Variants in RAD54B observed in about 807,000 individuals in gnomAD.
RAD54B encodes RAD54 homolog B.
A neutral mutation model predicts 95.8 loss-of-function variants in RAD54B; 78 were observed. The observed-to-expected ratio is 0.81, with a 90% CI of 0.68 to 0.98. The LOEUF is 0.98. Ranked by LOEUF, RAD54B falls within the 50% of genes least tolerant of loss-of-function variation. The pLI is 0.00. For synonymous variants in RAD54B, 328 were observed against 354.9 expected, an observed-to-expected ratio of 0.92 and a Z score of 0.85; for missense variants, 957 against 1,056.6, an observed-to-expected ratio of 0.91 and a Z score of 1.31.
At chr8:94,381,421 A>C (rs1234639616) in intron 11 of RAD54B, among the ~76,000 whole-genome samples, 5 of 152,200 alleles carry the variant, frequency 3.3e-5, no homozygotes, top group African/African-American at 1.2e-4. Context: ...TTCACTCTTA[A>C]CTGTGGACAC....
chr8:94,401,831 A>G (rs979450749), intron 6 of RAD54B, among the ~76,000 whole-genome samples: 12 of 152,220 alleles, frequency 7.9e-5, no homozygotes, highest in Non-Finnish European at 1.5e-4. Context: ...TGTCAGCCCA[A>G]TGAGATACAG....
At chr8:94,467,642 A>AGGGGTTTC in intron 1 of RAD54B, 87 bp from the exon 2 acceptor site, 1 of 1,367,666 alleles carries the variant, frequency 7.3e-7, no homozygotes, top group Non-Finnish European at 9.9e-7. Flanking sequence ...TACAACTAAG[A>AGGGGTTTC]TGGAACAGAA....
chr8:94,430,113 A>C, intron 3 of RAD54B: 10 of 780,588 alleles, frequency 1.3e-5, no homozygotes, highest in Non-Finnish European at 1.6e-5. Context: ...GGAGATCAAG[A>C]CCATCCTGGC....
intron 3 of RAD54B, among the ~76,000 whole-genome samples, chr8:94,422,651 T>C (rs866140605): frequency 3.4e-5 from 3 of 88,908 alleles, no homozygotes; most frequent in Non-Finnish European, 6.6e-5. Context: ...TATATATATA[T>C]ATAAAATTAT....
chr8:94,431,618 A>T, intron 3 of RAD54B: 1 of 931,970 alleles, frequency 1.1e-6, no homozygotes, highest in African/African-American at 1.8e-5. Context: ...CCTAAACTGC[A>T]GAGATGGAAA....
At chr8:94,419,555 A>G (rs1811753130) in intron 3 of RAD54B, among the ~76,000 whole-genome samples, 1 of 152,078 alleles carries the variant, frequency 6.6e-6, no homozygotes, top group South Asian at 2.1e-4. Context: ...CAAAAAATAA[A>G]TCTACTGAAT....
intron 3 of RAD54B, among the ~76,000 whole-genome samples, chr8:94,415,227 T>C (rs1811632499): frequency 6.6e-6 from 1 of 151,268 alleles, no homozygotes; most frequent in Admixed American, 6.6e-5. Flanking sequence ...TCTACAACTA[T>C]CTGATCTTTG....
At chr8:94,452,354 T>C (rs1279586973) in intron 3 of RAD54B, among the ~76,000 whole-genome samples, 2 of 152,262 alleles carry the variant, frequency 1.3e-5, no homozygotes, top group Non-Finnish European at 2.9e-5. Context: ...AGCCTGTCCT[T>C]GTTTAGGAAA....
At chr8:94,432,663 C>T (rs1363825380) in intron 3 of RAD54B, 1 of 1,492,160 alleles carries the variant, frequency 6.7e-7, no homozygotes, top group South Asian at 1.4e-5. Context: ...TGCACTATAG[C>T]ACACAAAAAA....
intron 3 of RAD54B, among the ~76,000 whole-genome samples, chr8:94,413,793 A>G (rs559370795): frequency 6.6e-6 from 1 of 152,128 alleles, no homozygotes; most frequent in South Asian, 2.1e-4. Flanking sequence ...CAGCATATGA[A>G]TAAGACAAAG....
At chr8:94,444,024 GT>G (rs1450899182) in intron 3 of RAD54B, among the ~76,000 whole-genome samples, 2 of 151,902 alleles carry the variant, frequency 1.3e-5, no homozygotes, top group Non-Finnish European at 2.9e-5. Flanking sequence ...GAAGGCTCCT[GT>G]ATCATATAAA....
rs563975259 is a variant in RAD54B at position 94,466,472 on chromosome 8, A to G, written c.135+933T>C. Among the ~76,000 whole-genome samples, 4 of 151,412 alleles carry G rather than the reference A, an allele frequency of 2.6e-5. No homozygotes were observed. In the East Asian group the frequency reaches 7.8e-4, roughly 30 times the overall value. ...ACCCAGGCTGGAGTGCAGTGGCATGATCTCAGCTCACTATAACCTCCACCT... is the reference window on the plus strand; with the variant it reads ...ACCCAGGCTGGAGTGCAGTGGCATGGTCTCAGCTCACTATAACCTCCACCT... On this transcript the variant is annotated intron_variant, in intron 2 of 14. Transcript: ENST00000336148.
chr8:94,411,491 G>T (rs1291651367), intron 3 of RAD54B, among the ~76,000 whole-genome samples, 176 bp from the exon 4 acceptor site: 1 of 151,874 alleles, frequency 6.6e-6, no homozygotes, highest in East Asian at 1.9e-4. Context: ...CAAATATCAG[G>T]TGTTAATATT....
intron 3 of RAD54B, among the ~76,000 whole-genome samples, chr8:94,420,813 C>T (rs542418743): frequency 2.6e-5 from 4 of 151,830 alleles, no homozygotes; most frequent in East Asian, 1.9e-4. Flanking sequence ...GGTGAAACCC[C>T]GTCTCTACTA....
intron 3 of RAD54B, among the ~76,000 whole-genome samples, chr8:94,424,337 G>T (rs920348811): frequency 6.6e-6 from 1 of 152,044 alleles, no homozygotes; most frequent in Admixed American, 6.5e-5. Context: ...TACTTACCTC[G>T]CAAACCTACT....
rs1206427350 is a variant in RAD54B at position 94,393,818 on chromosome 8, T to C, written c.1443A>G (p.Ile481Met). 6.3e-7 allele frequency: 1 copy of C among 1,590,328 alleles called. No individual in the cohort carries two copies. The highest frequency in any genetic ancestry group is 8.6e-7 in the Non-Finnish European group (1 of 1,159,650). The change falls in exon 9 of 15, where the codon ATA (isoleucine) becomes ATG (methionine). Residue 481 changes from isoleucine to methionine, a missense_variant. Coordinates refer to ENST00000336148, the MANE Select transcript of RAD54B (RefSeq NM_012415.3). ...TCCTATAAGATGACAAAGAGCCTAA[T>C]ATTCCTGGATTTACAAAATCAATTA... is the stretch of plus-strand genomic sequence containing the variant. ...FALIDFVNPG[I>M]LGSLSSYRKI... is the part of the protein sequence containing the mutation.
At chr8:94,427,037 G>T (rs1811960067) in intron 3 of RAD54B, among the ~76,000 whole-genome samples, 2 of 152,100 alleles carry the variant, frequency 1.3e-5, no homozygotes, top group African/African-American at 2.4e-5. Context: ...CTATGTGGTA[G>T]ATATATGGAT....
intron 3 of RAD54B, among the ~76,000 whole-genome samples, chr8:94,453,044 G>A (rs1333156232): frequency 6.6e-6 from 1 of 152,046 alleles, no homozygotes; most frequent in Non-Finnish European, 1.5e-5. Context: ...AATGCTAAAG[G>A]CATATACCTT....
At chr8:94,442,171 A>T (rs967547373) in intron 3 of RAD54B, among the ~76,000 whole-genome samples, 3 of 152,212 alleles carry the variant, frequency 2.0e-5, no homozygotes, top group Non-Finnish European at 1.5e-5. Flanking sequence ...TCTCTCTCAC[A>T]TGTGGGAGCT....
Sources: gnomAD v4.1 joint callset for allele counts (sites outside exome capture counted in the v4.1 genomes callset) on GRCh38, gnomAD v4.1.1 for gene constraint, MANE v1.5 for transcripts, NCBI Gene and HGNC (gene_info 2026-07-23, HGNC 2026-07-21) for gene names.